PAMR1: variants seen among roughly 807,000 people sequenced by gnomAD.
PAMR1 encodes the protein peptidase domain containing associated with muscle regeneration 1.
Under a neutral mutation model 81.8 loss-of-function variants are expected in PAMR1, and 88 were observed. The ratio of observed to expected loss-of-function variants is 1.08; its 90% CI spans 0.91 to 1.28. PAMR1 has a LOEUF of 1.28. Ranked by LOEUF, PAMR1 falls within the 50% of genes most tolerant of loss-of-function variation. The pLI is 0.00. For synonymous variants in PAMR1, 336 were observed against 345.3 expected, an observed-to-expected ratio of 0.97 and a Z score of 0.30; for missense variants, 935 against 919.7, an observed-to-expected ratio of 1.02 and a Z score of -0.21.
rs542582437 is a variant in PAMR1 at position 35,492,860 on chromosome 11, G to A, written c.251-687C>T. The stretch of plus-strand genomic sequence containing the variant: ...TAAAAACATGGCCTCTTGAGGGAGA[G>A]GGGGGTCGTGAGAAAAAGTACAAAT... On this transcript the variant is annotated intron_variant, in intron 2 of 10. Transcript: ENST00000619888. 1.2e-4 allele frequency among the ~76,000 whole-genome samples: 19 copies of A among 152,294 alleles called. No individual in the cohort carries two copies. In the South Asian group the frequency reaches 3.9e-3, roughly 32 times the overall value.
chr11:35,529,063 G>C (rs1851430422), upstream of PAMR1: 1 of 152,116 alleles, frequency 6.6e-6, no homozygotes, highest in Non-Finnish European at 1.5e-5. Context: ...ACAAATTTCT[G>C]TTTTCCTACA....
At chr11:35,483,873 G>C (rs773921505) in intron 3 of PAMR1, among the ~76,000 whole-genome samples, 1 of 152,096 alleles carries the variant, frequency 6.6e-6, no homozygotes, top group Non-Finnish European at 1.5e-5. Flanking sequence ...AAGAGCTTCA[G>C]CACATAAAAT....
intron 6 of PAMR1, among the ~76,000 whole-genome samples, chr11:35,450,964 G>T (rs1273643291): frequency 6.6e-6 from 1 of 152,214 alleles, no homozygotes; most frequent in African/African-American, 2.4e-5. Flanking sequence ...CATCGATTTT[G>T]ACCATTGCTA....
rs748495848 is a variant in PAMR1 at position 35,492,131 on chromosome 11, G to A, written c.293C>T (p.Ser98Leu). ...FENCKSCRNG[S>L]WGGTLDDFYV... Reference sequence around the variant, plus strand: ...GAAGTCATCCAAGGTACCCCCCCATGAGCCATTTCGGCAGCTCTTGCAGTT... The same window carrying A: ...GAAGTCATCCAAGGTACCCCCCCATAAGCCATTTCGGCAGCTCTTGCAGTT... The change falls in exon 3 of 11, where the codon TCA becomes TTA. Residue 98 changes from serine (S) to leucine (L), a missense_variant. Ser to Leu is a moderately radical substitution (Grantham distance 145, BLOSUM62 -2). Transcript: ENST00000619888. 2 of 1,614,084 alleles carry A rather than the reference G, an allele frequency of 1.2e-6. No homozygotes were observed. The highest frequency in any genetic ancestry group is 1.7e-6 in the Non-Finnish European group (2 of 1,179,982).
chr11:35,492,081 C>G lies in PAMR1; in HGVS notation c.343G>C (p.Glu115Gln), dbSNP rs775737377. Reference protein sequence around the residue: ...DFYVKGFYCAECRAGWYGGDC... With the variant: ...DFYVKGFYCAQCRAGWYGGDC... ...CCTCCGTACCAGCCTGCTCGGCACT[C>G]TGCACAGTAGAACCCCTTCACATAG... Residue 115 changes from glutamate (E) to glutamine (Q), a missense_variant, in exon 3 of 11, where the codon GAG becomes CAG. By Grantham distance (29) the Glu-to-Gln change is conservative. Transcript: ENST00000619888. The G allele has an allele frequency of 2.0e-5, 33 of 1,614,108 alleles. No homozygotes were observed. The highest frequency in any genetic ancestry group is 2.6e-5 in the Non-Finnish European group (31 of 1,179,960).
In PAMR1 at chr11:35,466,888, G is replaced by A. The variant is rs112455464; in HGVS notation, c.820+1113C>T. 8.5e-3 allele frequency among the ~76,000 whole-genome samples: 1,298 copies of A among 152,048 alleles called. 16 individuals carry two copies. Among genetic ancestry groups the A allele is most frequent in the African/African-American group, 0.029 (1,209 of 41,454 alleles). ...TAGATATTGTTGGTGCTCTGCCCTCGGGTCTATTTTCTGTGTTTCTGTGGG... is the reference window on the plus strand; with the variant it reads ...TAGATATTGTTGGTGCTCTGCCCTCAGGTCTATTTTCTGTGTTTCTGTGGG... On this transcript the variant is annotated intron_variant, in intron 6 of 10. Transcript: ENST00000619888.
intron 3 of PAMR1, among the ~76,000 whole-genome samples, chr11:35,477,386 C>G (rs1192888872): frequency 6.6e-6 from 1 of 152,182 alleles, no homozygotes; most frequent in Non-Finnish European, 1.5e-5. Flanking sequence ...ATGTGGAACA[C>G]TAAAGATGGA....
chr11:35,482,136 C>G (rs1436138944), intron 3 of PAMR1, among the ~76,000 whole-genome samples: 3 of 152,080 alleles, frequency 2.0e-5, no homozygotes, highest in Admixed American at 6.6e-5. Context: ...ATGGTGTTGC[C>G]TATGTTTTCT....
At chr11:35,455,384 T>A (rs1856507266) in intron 6 of PAMR1, among the ~76,000 whole-genome samples, 1 of 152,240 alleles carries the variant, frequency 6.6e-6, no homozygotes, top group African/African-American at 2.4e-5. Flanking sequence ...GCCCCCTCCA[T>A]ATCCTCTGAT....
At chr11:35,527,266 T>C (rs1298464548), upstream of PAMR1, among the ~76,000 whole-genome samples, 1 of 152,208 alleles carries the variant, frequency 6.6e-6, no homozygotes, top group Non-Finnish European at 1.5e-5. Context: ...TGAATCTCAG[T>C]CTTCTCATCT....
intron 6 of PAMR1, among the ~76,000 whole-genome samples, chr11:35,456,151 A>C (rs1856526870): frequency 6.6e-6 from 1 of 152,056 alleles, no homozygotes; most frequent in Non-Finnish European, 1.5e-5. Flanking sequence ...TTTTTTTTTC[A>C]CTTGCACCAA....
rs566360431 is a variant in PAMR1, at chr11:35,521,983, C to T, written c.73+3530G>A. 5.3e-4 allele frequency among the ~76,000 whole-genome samples: 81 copies of T among 151,926 alleles called. 1 individual carries two copies. Among genetic ancestry groups the T allele is most frequent in the South Asian group, 2.1e-4 (1 of 4,790 alleles). On this transcript the variant is annotated intron_variant, in intron 1 of 10. Coordinates refer to ENST00000619888, the MANE Select transcript of PAMR1 (RefSeq NM_001001991.3). Reference sequence around the variant, plus strand: ...TGTCGCCCAAGCTGGAGTGCAGTGGCGCGATCTTGGCTCCCTGCAAGCTCC... The same window carrying T: ...TGTCGCCCAAGCTGGAGTGCAGTGGTGCGATCTTGGCTCCCTGCAAGCTCC...
rs552983469 is a variant in PAMR1 at position 35,486,118 on chromosome 11, C to T, written c.379+5927G>A. Among the ~76,000 whole-genome samples the T allele has an allele frequency of 2.6e-5, 4 of 152,348 alleles. No individual in the cohort carries two copies. In the South Asian group the frequency reaches 8.3e-4, roughly 32 times the overall value. Reference sequence around the variant, plus strand: ...ATATTGATGTCTTCTTATGGTCAAGCACTGTTTTCACAGATGGATTGTAAA... The same window carrying T: ...ATATTGATGTCTTCTTATGGTCAAGTACTGTTTTCACAGATGGATTGTAAA... On this transcript the variant is annotated intron_variant, in intron 3 of 10. Transcript: ENST00000619888.
At chr11:35,441,387 A>C in intron 7 of PAMR1, 94 bp downstream of exon 7, 2 of 867,348 alleles carry the variant, frequency 2.3e-6, no homozygotes, top group South Asian at 3.2e-5. Context: ...AGAGAAAGGC[A>C]TTTTTCCAGG....
chr11:35,493,983 A>C, intron 2 of PAMR1, 113 bp downstream of exon 2: 1 of 775,390 alleles, frequency 1.3e-6, no homozygotes, highest in Non-Finnish European at 2.2e-6. Context: ...TTTCATAATC[A>C]TGGCACCACA....
intron 1 of PAMR1, among the ~76,000 whole-genome samples, chr11:35,508,516 A>ATTTTTTTTTTT (rs59836040): frequency 2.2e-4 from 22 of 98,052 alleles, no homozygotes; most frequent in Non-Finnish European, 3.3e-4. Context: ...AGGAACCTCC[A>ATTTTTTTTTTT]TTTTTTTTTT....
intron 6 of PAMR1, among the ~76,000 whole-genome samples, chr11:35,461,912 C>T (rs1243767583): frequency 6.6e-6 from 1 of 152,162 alleles, no homozygotes; most frequent in Non-Finnish European, 1.5e-5. Flanking sequence ...GCCACGGATT[C>T]CTTGGGACTG....
At chr11:35,521,035 G>A (rs111387325) in intron 1 of PAMR1, among the ~76,000 whole-genome samples, 8 of 152,106 alleles carry the variant, frequency 5.3e-5, no homozygotes, top group Admixed American at 3.3e-4. Flanking sequence ...GGACTTACGC[G>A]CTCTAGGTCA....
chr11:35,501,333 A>G (rs891101674), intron 1 of PAMR1, among the ~76,000 whole-genome samples: 1 of 151,566 alleles, frequency 6.6e-6, no homozygotes, highest in Non-Finnish European at 1.5e-5. Flanking sequence ...GGGTTTCATC[A>G]TGTGGCCCAG....
Sources: allele counts gnomAD v4.1 joint callset (sites outside exome capture counted in the v4.1 genomes callset), GRCh38; gene constraint gnomAD v4.1.1; transcripts MANE v1.5; gene names NCBI Gene and HGNC (gene_info 2026-07-23, HGNC 2026-07-21).